The following TAOK3 variants were observed in gnomAD, a reference collection of about 807,000 sequenced individuals.
TAOK3 encodes TAO kinase 3.
A neutral mutation model predicts 120.4 loss-of-function variants in TAOK3; 40 were observed. That is an observed-to-expected ratio of 0.33 (90% CI 0.26 to 0.43). The LOEUF is 0.43. TAOK3 is among the 20% of genes least tolerant of loss of function. The probability of loss-of-function intolerance (pLI) is 1.00; values close to 1 mark genes in which losing one functional copy is unlikely to be tolerated. For synonymous variants in TAOK3, 355 were observed against 387.5 expected, an observed-to-expected ratio of 0.92 and a Z score of 0.99; for missense variants, 821 against 1,112.1, an observed-to-expected ratio of 0.74 and a Z score of 3.72.
At chr12:118,229,161 C>T (rs992615226) in intron 9 of TAOK3, among the ~76,000 whole-genome samples, 4 of 151,234 alleles carry the variant, frequency 2.6e-5, no homozygotes, top group Admixed American at 6.6e-5. Flanking sequence ...AGTGCAGTGG[C>T]GCAATCTCGG....
chr12:118,222,655 A>C (rs2039294838), intron 9 of TAOK3, among the ~76,000 whole-genome samples: 1 of 152,242 alleles, frequency 6.6e-6, no homozygotes, highest in South Asian at 2.1e-4. Flanking sequence ...CAATTATTCT[A>C]AGAGAAGTAA....
At chr12:118,301,207 T>A (rs1018645407) in intron 1 of TAOK3, among the ~76,000 whole-genome samples, 6 of 152,188 alleles carry the variant, frequency 3.9e-5, no homozygotes, top group African/African-American at 1.4e-4. Context: ...TGGTGCTTAA[T>A]AAATGTTAGA....
intron 1 of TAOK3, among the ~76,000 whole-genome samples, chr12:118,306,049 A>G (rs1448156060): frequency 6.6e-6 from 1 of 152,216 alleles, no homozygotes; most frequent in Non-Finnish European, 1.5e-5. Flanking sequence ...ATAAAATAAT[A>G]AAGAATGTAG....
intron 1 of TAOK3, among the ~76,000 whole-genome samples, chr12:118,308,162 T>A (rs1714061326): frequency 1.3e-5 from 2 of 152,158 alleles, no homozygotes; most frequent in Non-Finnish European, 2.9e-5. Context: ...GCAATGAGAA[T>A]GACCTCTGGT....
At chr12:118,217,014 A>AT (rs1292862780) in intron 9 of TAOK3, among the ~76,000 whole-genome samples, 2 of 151,402 alleles carry the variant, frequency 1.3e-5, no homozygotes, top group Non-Finnish European at 2.9e-5. Flanking sequence ...ACCCTAATGG[A>AT]TTTTTTATAT....
At chr12:118,317,824 C>CA (rs923857321) in intron 1 of TAOK3, among the ~76,000 whole-genome samples, 13 of 151,368 alleles carry the variant, frequency 8.6e-5, no homozygotes, top group East Asian at 1.9e-4. Context: ...GACAAACAAA[C>CA]AAAAAAAACA....
chr12:118,198,459 T>C (rs2037855131), intron 13 of TAOK3: 1 of 147,724 alleles, frequency 6.8e-6, no homozygotes, highest in Admixed American at 7.0e-5. Flanking sequence ...CGATCTCGGC[T>C]CACTACAACC....
intron 1 of TAOK3, among the ~76,000 whole-genome samples, chr12:118,276,684 A>G (rs890266389): frequency 2.0e-5 from 3 of 152,018 alleles, no homozygotes; most frequent in Admixed American, 6.6e-5. Flanking sequence ...CCTGGGCAAC[A>G]CAGCGAGACT....
intron 1 of TAOK3, among the ~76,000 whole-genome samples, chr12:118,370,445 C>A (rs545844972): frequency 6.6e-6 from 1 of 152,254 alleles, no homozygotes; most frequent in African/African-American, 2.4e-5. Context: ...CAAAAGACTT[C>A]TAATAAAACA....
intron 11 of TAOK3, among the ~76,000 whole-genome samples, chr12:118,203,786 C>G (rs575669568): frequency 6.6e-6 from 1 of 151,526 alleles, no homozygotes; most frequent in East Asian, 1.9e-4. Flanking sequence ...AAAGAAGTAG[C>G]TTTTGTAAGT....
chr12:118,159,177 G>C (rs2035043611), intron 19 of TAOK3, among the ~76,000 whole-genome samples: 1 of 152,088 alleles, frequency 6.6e-6, no homozygotes, highest in Non-Finnish European at 1.5e-5. Flanking sequence ...GTAGGTCCCA[G>C]TTTCAAGGAA....
intron 1 of TAOK3, among the ~76,000 whole-genome samples, chr12:118,308,335 C>T (rs535486824): frequency 1.3e-5 from 2 of 152,158 alleles, no homozygotes; most frequent in South Asian, 4.2e-4. Flanking sequence ...ACCAGCAACC[C>T]CCCGGGGCTG....
intron 1 of TAOK3, among the ~76,000 whole-genome samples, chr12:118,297,384 T>C (rs1224728808): frequency 6.6e-6 from 1 of 152,238 alleles, no homozygotes; most frequent in Non-Finnish European, 1.5e-5. Context: ...TGTCATTCTC[T>C]GCTACTTTTT....
intron 19 of TAOK3, among the ~76,000 whole-genome samples, chr12:118,154,560 C>T (rs1417264392): frequency 2.0e-5 from 3 of 152,124 alleles, no homozygotes; most frequent in Non-Finnish European, 2.9e-5. Flanking sequence ...CTGCCTCATC[C>T]TCCCGAGTAG....
Position 118,369,004 on chromosome 12 carries a change from GAA to G in TAOK3, c.-194+3642_-194+3643del, listed in dbSNP as rs975694288. 7.4e-3 allele frequency among the ~76,000 whole-genome samples: 514 copies of G among 69,376 alleles called. 2 individuals are homozygous for G. The highest frequency in any genetic ancestry group is 0.022 in the Middle Eastern group (3 of 134). 45.5% of individuals were successfully genotyped at this position (69,376 alleles called of 152,430 possible). ...TGAAATCCCATCTCTACTAAAAATA[GAA>G]AAAAAAAAAAAAAAAAAGAAGAAGA... is the stretch of plus-strand genomic sequence containing the variant. On this transcript the variant is annotated intron_variant, in intron 1 of 20. Coordinates refer to ENST00000392533, the MANE Select transcript of TAOK3 (RefSeq NM_016281.4).
In TAOK3 at chr12:118,371,997, C is replaced by G. The variant is rs188821101; in HGVS notation, c.-194+651G>C. On this transcript the variant is annotated intron_variant, in intron 1 of 20. Coordinates refer to ENST00000392533, the MANE Select transcript of TAOK3 (RefSeq NM_016281.4). The surrounding 1 kb of genome is among the most constrained non-coding windows in gnomAD (Gnocchi z 5.5). ...TCTCAGCCCCGCTGTCTCAGCCCAGCCCCCTTCCGGGACCCCTCCTCTTCT... is the reference window on the plus strand; with the variant it reads ...TCTCAGCCCCGCTGTCTCAGCCCAGGCCCCTTCCGGGACCCCTCCTCTTCT... 2.8e-3 allele frequency among the ~76,000 whole-genome samples: 417 copies of G among 151,446 alleles called. 1 individual carries two copies. The highest frequency in any genetic ancestry group is 9.5e-3 in the African/African-American group (390 of 41,228).
chr12:118,265,273 T>C lies in TAOK3; in HGVS notation c.-89+1382A>G, dbSNP rs146607749. Reference sequence around the variant, plus strand: ...GCATGGTGGCGCTTGCCTGTAATCCTAGCTACTCAGGACGCTGAGGCAGGA... The same window carrying C: ...GCATGGTGGCGCTTGCCTGTAATCCCAGCTACTCAGGACGCTGAGGCAGGA... On this transcript the variant is annotated intron_variant, in intron 2 of 20. Coordinates refer to ENST00000392533, the MANE Select transcript of TAOK3 (RefSeq NM_016281.4). 8.7e-3 allele frequency among the ~76,000 whole-genome samples: 1,309 copies of C among 151,154 alleles called. 12 individuals are homozygous for C. The highest frequency in any genetic ancestry group is 0.029 in the African/African-American group (1,203 of 41,128).
At chr12:118,241,240 A>G (rs1253135958) in intron 5 of TAOK3, among the ~76,000 whole-genome samples, 2 of 151,696 alleles carry the variant, frequency 1.3e-5, no homozygotes, top group East Asian at 3.9e-4. Flanking sequence ...TTAAAAACAA[A>G]CAGATTCAGA....
At chr12:118,218,328 C>CT (rs1161340116) in intron 9 of TAOK3, among the ~76,000 whole-genome samples, 1 of 152,114 alleles carries the variant, frequency 6.6e-6, no homozygotes, top group Non-Finnish European at 1.5e-5. Flanking sequence ...GCAGAGCTTG[C>CT]TTTCTGGCAA....
Sources: allele counts gnomAD v4.1 joint callset (sites outside exome capture counted in the v4.1 genomes callset), GRCh38; gene constraint gnomAD v4.1.1; non-coding constraint Gnocchi (gnomAD v3.1); transcripts MANE v1.5; gene names NCBI Gene and HGNC (gene_info 2026-07-23, HGNC 2026-07-21).